CIB2: variants seen among roughly 807,000 people sequenced by gnomAD.
The protein encoded by CIB2 is calcium and integrin-binding family member 2.
In CIB2, 19 loss-of-function variants were observed where a neutral mutation model predicts 23.1. That is an observed-to-expected ratio of 0.82 (90% CI 0.57 to 1.21). The LOEUF is 1.21. Ranked by LOEUF, CIB2 falls within the 50% of genes most tolerant of loss-of-function variation. The pLI is 0.00. For missense variants in CIB2, 220 were observed against 241.5 expected (o/e 0.91, Z 0.59); for synonymous variants, 94 against 91.7 (o/e 1.03, Z -0.14).
intron 3 of CIB2, chr15:78,110,519 G>T: frequency 2.6e-6 from 1 of 391,200 alleles, no homozygotes; most frequent in Non-Finnish European, 5.1e-6. Flanking sequence ...GGCTACTGAC[G>T]AAGTCCCACT....
chr15:78,112,701 G>T (rs1270248305), intron 2 of CIB2, among the ~76,000 whole-genome samples: 1 of 152,194 alleles, frequency 6.6e-6, no homozygotes, highest in Non-Finnish European at 1.5e-5. Flanking sequence ...GTATGACCCT[G>T]TATCTCCCAG....
Position 78,129,786 on chromosome 15 carries a change from C to G in CIB2, c.51+1379G>C, listed in dbSNP as rs561243444. On this transcript the variant is annotated intron_variant, in intron 1 of 5. Coordinates refer to ENST00000258930, the MANE Select transcript of CIB2 (RefSeq NM_006383.4). ...AGAAGTGAGCCTAGGAGTCAAGATTCGAAATCCTGTGTGAGCCCTGAATGG... is the reference window on the plus strand; with the variant it reads ...AGAAGTGAGCCTAGGAGTCAAGATTGGAAATCCTGTGTGAGCCCTGAATGG... Among the ~76,000 whole-genome samples, 4 of 152,312 alleles carry G rather than the reference C, an allele frequency of 2.6e-5. No individual in the cohort carries two copies. In the East Asian group the frequency reaches 7.7e-4, roughly 29 times the overall value.
At chr15:78,127,517 G>C (rs2074397277) in intron 1 of CIB2, among the ~76,000 whole-genome samples, 1 of 152,120 alleles carries the variant, frequency 6.6e-6, no homozygotes. Flanking sequence ...CCCAGTTAAG[G>C]CTTGAGTTCT....
Position 78,111,151 on chromosome 15 carries a change from G to T in CIB2, c.198+14C>A. On this transcript the variant is annotated intron_variant, in intron 3 of 5. Coordinates refer to ENST00000258930, the MANE Select transcript of CIB2 (RefSeq NM_006383.4). ...ACAGATCCCCTGCTCGCCAGCAAGA[G>T]GTCCTGCACATACCCGGAGCTCTGG... 6.2e-7 allele frequency: 1 copy of T among 1,610,348 alleles called. No homozygotes were observed. The highest frequency in any genetic ancestry group is 1.1e-5 in the South Asian group (1 of 91,034).
intron 4 of CIB2, among the ~76,000 whole-genome samples, chr15:78,108,425 A>G (rs924073716): frequency 6.6e-6 from 1 of 152,064 alleles, no homozygotes; most frequent in East Asian, 1.9e-4. Context: ...TGGGTCTGTC[A>G]GGCCAGCAGA....
At chr15:78,108,263 G>A (rs890166391) in intron 4 of CIB2, among the ~76,000 whole-genome samples, 14 of 152,040 alleles carry the variant, frequency 9.2e-5, no homozygotes, top group Admixed American at 5.2e-4. Flanking sequence ...CCCCTGATAG[G>A]CCCTGCTGCC....
At chr15:78,111,423 C>T in intron 2 of CIB2, 147 bp from the exon 3 acceptor site, 1 of 635,386 alleles carries the variant, frequency 1.6e-6, no homozygotes, top group Non-Finnish European at 2.7e-6. Flanking sequence ...TCTGCTCTGC[C>T]CACAGGGTGT....
intron 5 of CIB2, 66 bp from the exon 6 acceptor site, chr15:78,105,398 G>A (rs1224287628): frequency 2.5e-6 from 4 of 1,608,910 alleles, no homozygotes; most frequent in African/African-American, 2.7e-5. Context: ...GGCTCCTCAG[G>A]GAAAAGCACA....
chr15:78,125,969 T>C (rs2074375348), intron 1 of CIB2, among the ~76,000 whole-genome samples: 1 of 152,148 alleles, frequency 6.6e-6, no homozygotes, highest in Non-Finnish European at 1.5e-5. Context: ...GGGCTCTAAA[T>C]ATCCAATTTT....
chr15:78,109,224 G>A lies in CIB2; in HGVS notation c.346+11C>T, dbSNP rs201210945. 6.6e-5 allele frequency: 104 copies of A among 1,577,270 alleles called. No individual in the cohort carries two copies. Among genetic ancestry groups the A allele is most frequent in the Admixed American group, 4.6e-4 (26 of 56,690 alleles). On this transcript the variant is annotated intron_variant, in intron 4 of 5. Coordinates refer to ENST00000258930, the MANE Select transcript of CIB2 (RefSeq NM_006383.4). The stretch of plus-strand genomic sequence containing the variant: ...CCGCATATTCAGGCCCCCTCCTCTA[G>A]CCCTGGTTACCATAGATCTTGAAGG...
intron 2 of CIB2, among the ~76,000 whole-genome samples, chr15:78,118,537 C>T (rs954054012): frequency 6.1e-5 from 9 of 147,068 alleles, no homozygotes; most frequent in Non-Finnish European, 1.5e-5. Context: ...TGCAGTGAGC[C>T]GAGATCGCGC....
chr15:78,131,470 G>A (rs1372336019), upstream of CIB2: 4 of 168,354 alleles, frequency 2.4e-5, no homozygotes, highest in African/African-American at 7.2e-5. This position sits in a 1 kb window ranked among gnomAD's most constrained non-coding sequence, Gnocchi z 5.8. Flanking sequence ...CTCCGCGGCT[G>A]CAGCGCGCCC....
intron 1 of CIB2, among the ~76,000 whole-genome samples, chr15:78,126,875 T>C (rs2074387856): frequency 6.6e-6 from 1 of 152,236 alleles, no homozygotes; most frequent in African/African-American, 2.4e-5. Context: ...AAGGAGGCAG[T>C]GCACAGGTAG....
At chr15:78,120,051 C>T (rs969669090) in intron 2 of CIB2, among the ~76,000 whole-genome samples, 5 of 151,844 alleles carry the variant, frequency 3.3e-5, no homozygotes, top group African/African-American at 1.2e-4. Flanking sequence ...CAGGCACACA[C>T]CACCAGACCT....
chr15:78,126,149 C>G (rs539286115), intron 1 of CIB2, among the ~76,000 whole-genome samples: 49 of 126,904 alleles, frequency 3.9e-4, no homozygotes, highest in South Asian at 3.1e-3. Context: ...TGCCCCCCCC[C>G]CTTTTTTTTT....
At chr15:78,113,647 C>A (rs1046244619) in intron 2 of CIB2, among the ~76,000 whole-genome samples, 13 of 152,156 alleles carry the variant, frequency 8.5e-5, no homozygotes, top group African/African-American at 3.1e-4. Context: ...TCTCCTGCCT[C>A]AGCCTCCTGA....
chr15:78,129,432 G>A (rs1349989145), intron 1 of CIB2, among the ~76,000 whole-genome samples: 1 of 152,156 alleles, frequency 6.6e-6, no homozygotes, highest in Non-Finnish European at 1.5e-5. Flanking sequence ...CCTCACTTCT[G>A]AGCATGGCTT....
intron 1 of CIB2, 33 bp from the exon 2 acceptor site, chr15:78,123,772 T>G: frequency 6.2e-7 from 1 of 1,613,864 alleles, no homozygotes. Context: ...ACACAGTCAG[T>G]GTGCGGCTCC....
intron 2 of CIB2, among the ~76,000 whole-genome samples, chr15:78,114,114 T>C (rs2074202429): frequency 6.6e-6 from 1 of 152,208 alleles, no homozygotes; most frequent in African/African-American, 2.4e-5. Context: ...CCCCTGGATG[T>C]TCATAAAACC....
Sources: gnomAD v4.1 joint callset for allele counts (sites outside exome capture counted in the v4.1 genomes callset) on GRCh38, gnomAD v4.1.1 for gene constraint, Gnocchi (gnomAD v3.1) non-coding constraint, MANE v1.5 for transcripts, NCBI Gene and HGNC (gene_info 2026-07-23, HGNC 2026-07-21) for gene names.